The following TOM1L2 variants were observed in gnomAD, a reference collection of about 807,000 sequenced individuals.
TOM1L2 encodes the protein TOM1-like protein 2.
In TOM1L2, 31 loss-of-function variants were observed where a neutral mutation model predicts 67.9. The observed-to-expected ratio is 0.46, with a 90% CI of 0.34 to 0.62. The LOEUF (loss-of-function observed/expected upper bound fraction) is 0.62, where lower values mean the gene tolerates loss of function less well. TOM1L2 is among the 20% of genes least tolerant of loss of function. The pLI, the probability that TOM1L2 is intolerant of heterozygous loss-of-function variation, is 0.01. For missense variants in TOM1L2, 606 were observed against 663.5 expected (o/e 0.91, Z 0.95); for synonymous variants, 256 against 254.0 (o/e 1.01, Z -0.07).
intron 12 of TOM1L2, among the ~76,000 whole-genome samples, chr17:17,855,973 A>C (rs995115739): frequency 3.9e-5 from 6 of 152,094 alleles, no homozygotes; most frequent in African/African-American, 9.7e-5. Context: ...AAAAAAAAAA[A>C]AACAAACTGC....
intron 1 of TOM1L2, among the ~76,000 whole-genome samples, chr17:17,936,973 G>A (rs2040538116): frequency 6.6e-6 from 1 of 152,148 alleles, no homozygotes; most frequent in Non-Finnish European, 1.5e-5. Flanking sequence ...CATACCATGA[G>A]GGCTCAGAGT....
chr17:17,887,789 G>C (rs1244037725), intron 4 of TOM1L2, among the ~76,000 whole-genome samples: 2 of 152,094 alleles, frequency 1.3e-5, no homozygotes, highest in African/African-American at 4.8e-5. Flanking sequence ...GACACCTTTT[G>C]AAGGCAGACA....
At chr17:17,936,170 C>G (rs1305979911) in intron 1 of TOM1L2, among the ~76,000 whole-genome samples, 1 of 152,374 alleles carries the variant, frequency 6.6e-6, no homozygotes, top group African/African-American at 2.4e-5. Context: ...TTAGCTCCCC[C>G]AGGCGTGTGC....
At chr17:17,938,971 A>T (rs182603238) in intron 1 of TOM1L2, among the ~76,000 whole-genome samples, 1 of 152,302 alleles carries the variant, frequency 6.6e-6, no homozygotes, top group Admixed American at 6.5e-5. Flanking sequence ...AAGCAGTGGC[A>T]CCTGGACTAG....
At chr17:17,860,837 C>T (rs1318770343) in intron 12 of TOM1L2, among the ~76,000 whole-genome samples, 2 of 152,160 alleles carry the variant, frequency 1.3e-5, no homozygotes, top group African/African-American at 4.8e-5. Flanking sequence ...TTGGGGAGGC[C>T]CAAACACATA....
At chr17:17,895,061 G>A (rs575247946) in intron 3 of TOM1L2, among the ~76,000 whole-genome samples, 2 of 152,094 alleles carry the variant, frequency 1.3e-5, no homozygotes, top group African/African-American at 2.4e-5. Context: ...CCATGATTAC[G>A]TGATTACTGT....
chr17:17,854,042 A>G (rs1252715689), intron 12 of TOM1L2, among the ~76,000 whole-genome samples: 2 of 152,238 alleles, frequency 1.3e-5, no homozygotes, highest in East Asian at 1.9e-4. Flanking sequence ...TCAGGGCGTG[A>G]ACCATGGTGG....
intron 4 of TOM1L2, among the ~76,000 whole-genome samples, chr17:17,888,962 GC>G (rs1244343230): frequency 1.3e-5 from 2 of 152,224 alleles, no homozygotes; most frequent in Non-Finnish European, 2.9e-5. Flanking sequence ...AGTCTTTGGT[GC>G]CCCTGGGGGT....
At chr17:17,957,611 T>C (rs1418120006) in intron 1 of TOM1L2, among the ~76,000 whole-genome samples, 1 of 151,344 alleles carries the variant, frequency 6.6e-6, no homozygotes, top group East Asian at 1.9e-4. Flanking sequence ...CAAATATATA[T>C]ACATTTACAC....
At chr17:17,912,602 G>T (rs2039436466) in intron 1 of TOM1L2, among the ~76,000 whole-genome samples, 1 of 151,416 alleles carries the variant, frequency 6.6e-6, no homozygotes, top group Non-Finnish European at 1.5e-5. Context: ...GCCGGGCAGA[G>T]ACGCTCTTCA....
chr17:17,862,595 G>A, intron 11 of TOM1L2, 136 bp downstream of exon 11: 1 of 728,762 alleles, frequency 1.4e-6, no homozygotes, highest in Non-Finnish European at 2.3e-6. Context: ...CTAATGCCAA[G>A]TCCTTACAGC....
At chr17:17,873,876 C>T (rs1188717766) in intron 7 of TOM1L2, among the ~76,000 whole-genome samples, 1 of 152,180 alleles carries the variant, frequency 6.6e-6, no homozygotes, top group Non-Finnish European at 1.5e-5. Context: ...CTGCTTTTCT[C>T]GATTTTAAAC....
intron 6 of TOM1L2, among the ~76,000 whole-genome samples, chr17:17,880,606 G>C (rs577160085): frequency 1.3e-5 from 2 of 152,276 alleles, no homozygotes; most frequent in Non-Finnish European, 2.9e-5. Context: ...AGTGACAAGA[G>C]ACCAAATAAC....
At chr17:17,943,956 G>C (rs1043698517) in intron 1 of TOM1L2, among the ~76,000 whole-genome samples, 2 of 152,176 alleles carry the variant, frequency 1.3e-5, no homozygotes, top group Non-Finnish European at 2.9e-5. Flanking sequence ...ACTCCTACCA[G>C]AGAGCAGCTC....
At chr17:17,966,894 T>C (rs1315351274) in intron 1 of TOM1L2, among the ~76,000 whole-genome samples, 1 of 152,228 alleles carries the variant, frequency 6.6e-6, no homozygotes, top group Non-Finnish European at 1.5e-5. Context: ...ATAAAATGAC[T>C]GAAGCAAAAG....
chr17:17,926,812 CACA>C (rs2040106754), intron 1 of TOM1L2, among the ~76,000 whole-genome samples: 1 of 151,958 alleles, frequency 6.6e-6, no homozygotes, highest in South Asian at 2.1e-4. Flanking sequence ...GAGCAAGGAT[CACA>C]CCACTGCACT....
intron 2 of TOM1L2, among the ~76,000 whole-genome samples, chr17:17,905,998 G>C (rs75169217): frequency 0.023 from 3,463 of 152,074 alleles, 145 homozygotes; most frequent in African/African-American, 0.079. Context: ...CAGGACTTCT[G>C]GGTTTGCTGT....
intron 1 of TOM1L2, among the ~76,000 whole-genome samples, chr17:17,955,056 G>C (rs2041371376): frequency 6.6e-6 from 1 of 152,196 alleles, no homozygotes; most frequent in East Asian, 1.9e-4. Context: ...TGGGCACCTT[G>C]TCAGAAATGT....
intron 12 of TOM1L2, among the ~76,000 whole-genome samples, chr17:17,854,142 C>A (rs1227562877): frequency 6.6e-6 from 1 of 152,240 alleles, no homozygotes; most frequent in Non-Finnish European, 1.5e-5. Context: ...CTATCTAAAC[C>A]TCTTGTCCTG....
Sources: gnomAD v4.1 joint callset for allele counts (sites outside exome capture counted in the v4.1 genomes callset) on GRCh38, gnomAD v4.1.1 for gene constraint, MANE v1.5 for transcripts, NCBI Gene and HGNC (gene_info 2026-07-23, HGNC 2026-07-21) for gene names.